Variants in COL2A1 observed in about 807,000 individuals in gnomAD.
The protein encoded by COL2A1 is collagen type II alpha 1 chain, also known as collagen alpha-1(II) chain.
COL2A1 carries 28 observed loss-of-function variants against 204.5 expected under a neutral mutation model. The ratio of observed to expected loss-of-function variants is 0.14; its 90% CI spans 0.10 to 0.19. COL2A1 has a LOEUF of 0.19. COL2A1 is among the 10% of genes least tolerant of loss of function. COL2A1 has a pLI of 1.00. For missense variants in COL2A1, 1,388 were observed against 2,027.5 expected (o/e 0.68, Z 6.06); for synonymous variants, 708 against 718.7 (o/e 0.99, Z 0.24).
In COL2A1 at chr12:47,978,813, C is replaced by T. The variant is rs1187161895; in HGVS notation, c.2734-55G>A. ...CTCATCTCACCCTTCCTCATCCAGG[C>T]TGCCAAAGTCACTGTGGCCTCAGTG... is the stretch of plus-strand genomic sequence containing the variant. On this transcript the variant is annotated intron_variant, in intron 41 of 53. Transcript: ENST00000380518. The surrounding 1 kb of genome is among the most constrained non-coding windows in gnomAD (Gnocchi z 5.5). 16 of 1,594,066 alleles carry T rather than the reference C, an allele frequency of 1.0e-5. No individual in the cohort carries two copies. The highest frequency in any genetic ancestry group is 1.4e-5 in the Non-Finnish European group (16 of 1,164,632).
chr12:47,993,550 C>T (rs546418361), intron 14 of COL2A1, 48 bp from the exon 15 acceptor site: 29 of 1,534,660 alleles, frequency 1.9e-5, no homozygotes, highest in East Asian at 1.6e-4. Context: ...CATTCTTGGC[C>T]GCCAGCAAAC....
In COL2A1 at chr12:47,984,478, C is replaced by T. The variant is rs1281904299; in HGVS notation, c.1887+68G>A. 2.0e-5 allele frequency: 31 copies of T among 1,527,858 alleles called. 1 individual carries two copies. Among genetic ancestry groups the T allele is most frequent in the Middle Eastern group, 1.7e-4 (1 of 5,910 alleles). 94.6% of individuals were successfully genotyped at this position (1,527,858 alleles called of 1,614,324 possible). ...TCCCGGGACCATGCCATGGGGAGGC[C>T]GTTCCCCTGTCCTCCCTGCAGATGC... On this transcript the variant is annotated intron_variant, in intron 28 of 53. Transcript: ENST00000380518.
chr12:47,974,651 C>G (rs763689431), intron 52 of COL2A1, 24 bp downstream of exon 52: 1 of 1,613,158 alleles, frequency 6.2e-7, no homozygotes, highest in Non-Finnish European at 8.5e-7. Context: ...CTCTGCTCAT[C>G]ATCTAGGGCA....
chr12:47,992,804 G>A (rs1592228108), intron 16 of COL2A1, 74 bp downstream of exon 16: 1 of 1,492,726 alleles, frequency 6.7e-7, no homozygotes, highest in East Asian at 2.3e-5. Flanking sequence ...GTTGTTTCGA[G>A]GGTCAAGAGA....
chr12:47,973,973 T>C (rs975227765), intron 53 of COL2A1, 116 bp downstream of exon 53: 1 of 1,468,140 alleles, frequency 6.8e-7, no homozygotes, highest in Non-Finnish European at 9.5e-7. Flanking sequence ...ACCCTCAAAC[T>C]CATGCCTCTG....
intron 53 of COL2A1, among the ~76,000 whole-genome samples, chr12:47,973,853 T>TA (rs1938555736): frequency 6.6e-6 from 1 of 152,204 alleles, no homozygotes; most frequent in African/African-American, 2.4e-5. Flanking sequence ...ACTTCTACAG[T>TA]AGTCACTGGG....
chr12:47,976,638 G>A lies in COL2A1; in HGVS notation c.3436-71C>T, dbSNP rs1015497832. The stretch of plus-strand genomic sequence containing the variant: ...TCTATCTATATTCTGGGAGCTGGGG[G>A]AACAGCTTTATGTCCCAGCCCCATT... On this transcript the variant is annotated intron_variant, in intron 48 of 53. Transcript: ENST00000380518. The surrounding 1 kb of genome is among the most constrained non-coding windows in gnomAD (Gnocchi z 4.3). The A allele has an allele frequency of 1.6e-5, 25 of 1,525,810 alleles. No homozygotes were observed. In the African/African-American group the frequency reaches 2.9e-4, roughly 18 times the overall value. The allele number at this position is 1,525,810 out of a possible 1,614,324, so 94.5% of individuals were successfully genotyped here.
In COL2A1 at chr12:47,987,507, G is replaced by A; in HGVS notation, c.1221+104C>T. On this transcript the variant is annotated intron_variant, in intron 19 of 53. Transcript: ENST00000380518. The surrounding 1 kb of genome is among the most constrained non-coding windows in gnomAD (Gnocchi z 4.1). ...GGGACAGGCATTGGGCCAGAATGAA[G>A]GTTTGGTGGTTGGAGCCCACAACTG... 1 of 1,151,050 alleles carries A rather than the reference G, an allele frequency of 8.7e-7. No homozygotes were observed. The highest frequency in any genetic ancestry group is 1.5e-5 in the African/African-American group (1 of 65,230). The allele number at this position is 1,151,050 out of a possible 1,614,324, so 71.3% of individuals were successfully genotyped here.
Position 47,980,806 on chromosome 12 carries a change from G to A in COL2A1, c.2517+109C>T. ...CTATTAGTATGGAGGCGGGAAAGGAGAGGAGAGGAGCATCCATTTCCCTCC... is the reference window on the plus strand; with the variant it reads ...CTATTAGTATGGAGGCGGGAAAGGAAAGGAGAGGAGCATCCATTTCCCTCC... On this transcript the variant is annotated intron_variant, in intron 38 of 53. Coordinates refer to ENST00000380518, the MANE Select transcript of COL2A1 (RefSeq NM_001844.5). This position sits in a 1 kb window ranked among gnomAD's most constrained non-coding sequence, Gnocchi z 4.5. 1 of 1,417,564 alleles carries A rather than the reference G, an allele frequency of 7.1e-7. No individual in the cohort carries two copies. Among genetic ancestry groups the A allele is most frequent in the Non-Finnish European group, 9.8e-7 (1 of 1,024,924 alleles). 87.8% of individuals were successfully genotyped at this position (1,417,564 alleles called of 1,614,324 possible).
chr12:47,976,687 C>G lies in COL2A1; in HGVS notation c.3436-120G>C, dbSNP rs760299556. 3 of 1,372,568 alleles carry G rather than the reference C, an allele frequency of 2.2e-6. No homozygotes were observed. The highest frequency in any genetic ancestry group is 3.1e-6 in the Non-Finnish European group (3 of 974,924). 85.0% of individuals were successfully genotyped at this position (1,372,568 alleles called of 1,614,324 possible). On this transcript the variant is annotated intron_variant, in intron 48 of 53. Coordinates refer to ENST00000380518, the MANE Select transcript of COL2A1 (RefSeq NM_001844.5). The surrounding 1 kb of genome is among the most constrained non-coding windows in gnomAD (Gnocchi z 4.3). ...TTCCCTTTCCACTTCCTCCTCCCTCCAGCCCTGAGGAAATCCTAGAAACTG... is the reference window on the plus strand; with the variant it reads ...TTCCCTTTCCACTTCCTCCTCCCTCGAGCCCTGAGGAAATCCTAGAAACTG...
chr12:47,988,810 A>G (rs1466679609), intron 18 of COL2A1, among the ~76,000 whole-genome samples: 1 of 152,270 alleles, frequency 6.6e-6, no homozygotes, highest in African/African-American at 2.4e-5. Flanking sequence ...AGAGGGGAGC[A>G]GGGGCTCCCT....
At chr12:47,974,009 C>T (rs1938564697) in intron 53 of COL2A1, 80 bp downstream of exon 53, 3 of 1,607,894 alleles carry the variant, frequency 1.9e-6, no homozygotes, top group Admixed American at 1.7e-5. Context: ...TAGGACCTGA[C>T]AGCTGCCGCG....
intron 2 of COL2A1, among the ~76,000 whole-genome samples, chr12:47,999,423 T>C (rs1488507019): frequency 6.6e-6 from 1 of 152,160 alleles, no homozygotes; most frequent in Non-Finnish European, 1.5e-5. Flanking sequence ...CTACCACCAA[T>C]GTTCCATAAC....
At chr12:48,004,848 G>C (rs1311635799), upstream of COL2A1, among the ~76,000 whole-genome samples, 2 of 152,216 alleles carry the variant, frequency 1.3e-5, no homozygotes, top group African/African-American at 4.8e-5. Flanking sequence ...TTGCAGAGGC[G>C]CAGGCCGAGA....
chr12:47,996,373 C>T (rs1939960433), intron 8 of COL2A1, among the ~76,000 whole-genome samples, 175 bp downstream of exon 8: 1 of 152,196 alleles, frequency 6.6e-6, no homozygotes, highest in Non-Finnish European at 1.5e-5. Context: ...TTAAAAGTGG[C>T]ATCCATTGCC....
Position 47,974,289 on chromosome 12 carries a change from C to T in COL2A1, c.4117G>A (p.Val1373Ile), listed in dbSNP as rs778382364. The stretch of plus-strand genomic sequence containing the variant: ...AGCAGGCGTAGGAAGGTCATCTGGA[C>T]GTTGGCAGTGTTGGGAGCCAGATTG... ...DDNLAPNTAN[V>I]QMTFLRLLST... The change falls in exon 53 of 54, where the codon GTC (valine) becomes ATC (isoleucine). Residue 1373 changes from valine (V) to isoleucine (I), a missense_variant. Transcript: ENST00000380518. 25 of 1,614,146 alleles carry T rather than the reference C, an allele frequency of 1.5e-5. No individual in the cohort carries two copies. The highest frequency in any genetic ancestry group is 6.7e-5 in the African/African-American group (5 of 75,034).
intron 26 of COL2A1, 34 bp downstream of exon 26, chr12:47,985,500 C>A (rs943278904): frequency 1.2e-6 from 2 of 1,605,974 alleles, no homozygotes; most frequent in African/African-American, 1.3e-5. Context: ...GAGATCCCCC[C>A]ACCCTCCTAG....
chr12:47,990,884 T>TAG (rs1196059388), intron 16 of COL2A1, among the ~76,000 whole-genome samples: 1 of 152,176 alleles, frequency 6.6e-6, no homozygotes, highest in Non-Finnish European at 1.5e-5. Flanking sequence ...GCCTAGGGCC[T>TAG]GACTGAGCAG....
chr12:47,975,805 T>A (rs1938678901), intron 50 of COL2A1, among the ~76,000 whole-genome samples, 158 bp downstream of exon 50: 1 of 152,210 alleles, frequency 6.6e-6, no homozygotes, highest in East Asian at 1.9e-4. Flanking sequence ...CCAGCACTGA[T>A]CATGGGCCCT....
Sources: gnomAD v4.1 joint callset for allele counts (sites outside exome capture counted in the v4.1 genomes callset) on GRCh38, gnomAD v4.1.1 for gene constraint, Gnocchi (gnomAD v3.1) non-coding constraint, MANE v1.5 for transcripts, NCBI Gene and HGNC (gene_info 2026-07-23, HGNC 2026-07-21) for gene names.